The following NOTCH2NLA variants were observed in gnomAD, a reference collection of about 807,000 sequenced individuals.
NOTCH2NLA encodes the protein notch homolog 2 N-terminal-like protein A.
intron 3 of NOTCH2NLA, among the ~76,000 whole-genome samples, chr1:146,159,395 GAA>G (rs1203306236): frequency 5.9e-5 from 5 of 84,072 alleles, no homozygotes; most frequent in East Asian, 5.8e-4. Flanking sequence ...GAAAGAGAGA[GAA>G]AGAAAGAAAG....
intron 2 of NOTCH2NLA, among the ~76,000 whole-genome samples, chr1:146,182,730 C>T (rs368856926): frequency 3.0e-4 from 40 of 133,952 alleles, no homozygotes; most frequent in African/African-American, 8.4e-4. Context: ...CTTGTAGTCC[C>T]GGCTACTTGA....
downstream of NOTCH2NLA, chr1:146,154,036 C>T (rs1166410802): frequency 4.3e-5 from 5 of 116,314 alleles, no homozygotes; most frequent in Admixed American, 2.5e-4. Context: ...CACACACACA[C>T]ACACACACAC....
intron 2 of NOTCH2NLA, among the ~76,000 whole-genome samples, chr1:146,187,041 CT>C (rs2102326613): frequency 7.8e-6 from 1 of 128,446 alleles, no homozygotes; most frequent in East Asian, 2.1e-4. Flanking sequence ...CCCCCACCCC[CT>C]GACAGGCTCC....
intron 2 of NOTCH2NLA, among the ~76,000 whole-genome samples, chr1:146,170,551 C>G (rs1553806818): frequency 7.2e-6 from 1 of 139,814 alleles, no homozygotes; most frequent in African/African-American, 2.6e-5. Context: ...ACAGTGACTA[C>G]TAAGCAGTAG....
chr1:146,187,074 T>C (rs1662810009), intron 2 of NOTCH2NLA, among the ~76,000 whole-genome samples: 1 of 125,660 alleles, frequency 8.0e-6, no homozygotes. Flanking sequence ...TTCCCCTCCC[T>C]GTGTCCATGT....
chr1:146,200,737 G>A (rs1663383393), intron 1 of NOTCH2NLA, among the ~76,000 whole-genome samples: 2 of 126,286 alleles, frequency 1.6e-5, no homozygotes, highest in South Asian at 4.9e-4. Flanking sequence ...TCAGATTTCT[G>A]CAGAGTTGTA....
intron 3 of NOTCH2NLA, among the ~76,000 whole-genome samples, chr1:146,159,447 G>GAAAGAA (rs1437002440): frequency 6.6e-4 from 90 of 135,758 alleles, no homozygotes; most frequent in Non-Finnish European, 9.4e-4. Context: ...AAGAAAGAAA[G>GAAAGAA]AGAAAGAAAG....
intron 2 of NOTCH2NLA, among the ~76,000 whole-genome samples, chr1:146,171,323 C>T (rs1553807024): frequency 7.3e-6 from 1 of 137,320 alleles, no homozygotes; most frequent in Non-Finnish European, 1.7e-5. Context: ...CCCAGCTACT[C>T]AGGAGGCTGA....
At chr1:146,228,182 A>C (rs1664294492) in intron 1 of NOTCH2NLA, among the ~76,000 whole-genome samples, 1 of 144,238 alleles carries the variant, frequency 6.9e-6, no homozygotes, top group Admixed American at 6.8e-5. Context: ...ATCCAAACCA[A>C]GCCCACACAC....
At chr1:146,186,941 A>G (rs150779865) in intron 2 of NOTCH2NLA, among the ~76,000 whole-genome samples, 8,477 of 134,010 alleles carry the variant, frequency 0.063, 1,721 homozygotes, top group East Asian at 0.2. Flanking sequence ...TACATGTGCC[A>G]TGGTGGTTTG....
At chr1:146,160,172 C>T (rs1661437067) in intron 3 of NOTCH2NLA, among the ~76,000 whole-genome samples, 1 of 9,660 alleles carries the variant, frequency 1.0e-4, no homozygotes, top group Non-Finnish European at 3.3e-4. Context: ...TACTTTGCCT[C>T]CTAATAGCAA....
intron 2 of NOTCH2NLA, among the ~76,000 whole-genome samples, chr1:146,170,900 CT>C (rs1460161474): frequency 3.7e-5 from 5 of 136,980 alleles, no homozygotes; most frequent in Non-Finnish European, 6.7e-5. Flanking sequence ...GCTTCTTCAC[CT>C]TTTTAGTGGT....
downstream of NOTCH2NLA, chr1:146,154,032 CACACA>C (rs1661022488): frequency 8.5e-6 from 1 of 117,954 alleles, no homozygotes; most frequent in African/African-American, 3.3e-5. Flanking sequence ...CACACACACA[CACACA>C]CACACACACA....
Position 146,185,248 on chromosome 1 carries a change from T to C in NOTCH2NLA, c.38+4052A>G, listed in dbSNP as rs1460697971. ...CCTAGTGAACTTGAGTTGTCCATGA[T>C]CTTTAATCAAATTGGGATTTAGAAT... On this transcript the variant is annotated intron_variant, in intron 2 of 4. Transcript: ENST00000362074. Among the ~76,000 whole-genome samples the C allele has an allele frequency of 2.5e-4, 34 of 135,638 alleles. 5 individuals are homozygous for C. Among genetic ancestry groups the C allele is most frequent in the Non-Finnish European group, 1.7e-5 (1 of 58,506 alleles). The allele number at this position is 135,638 out of a possible 152,430, so 89.0% of individuals were successfully genotyped here. A position where few individuals can be genotyped will look rare whatever the true frequency, so the allele number is the denominator to read the frequency against.
rs1253230542 is a variant in NOTCH2NLA, at chr1:146,228,857, G to C, written c.-193C>G. 7 of 1,486,390 alleles carry C rather than the reference G, an allele frequency of 4.7e-6. 1 individual carries two copies. Among genetic ancestry groups the C allele is most frequent in the Admixed American group, 5.2e-5 (2 of 38,436 alleles). The allele number at this position is 1,486,390 out of a possible 1,614,324, so 92.1% of individuals were successfully genotyped here. On this transcript the variant is annotated 5_prime_UTR_variant, in exon 1 of 5. Coordinates refer to ENST00000362074, the Ensembl canonical transcript of NOTCH2NLA. The stretch of plus-strand genomic sequence containing the variant: ...CACATGGGGAGGGGGTCCCGATAGA[G>C]GAGCCCCACTCTCTCCTCCCCTCCT...
chr1:146,159,863 G>T (rs200096155), intron 3 of NOTCH2NLA, among the ~76,000 whole-genome samples: 16 of 36,892 alleles, frequency 4.3e-4, no homozygotes, highest in Admixed American at 7.5e-4. Context: ...AGCTACTCAG[G>T]AGGCTGAGGC....
intron 2 of NOTCH2NLA, among the ~76,000 whole-genome samples, chr1:146,180,809 TA>T (rs1662513421): frequency 7.8e-6 from 1 of 128,500 alleles, no homozygotes; most frequent in African/African-American, 2.6e-5. Context: ...TAATAAATTT[TA>T]AAGTGCTTGG....
Position 146,171,386 on chromosome 1 carries a change from G to A in NOTCH2NLA, c.39-6376C>T, listed in dbSNP as rs200750675. Reference sequence around the variant, plus strand: ...TTGGAGGTTGCAGTGAGCCAAGATCGCGCCACTGCACTCCAGCCTGGGCAA... The same window carrying A: ...TTGGAGGTTGCAGTGAGCCAAGATCACGCCACTGCACTCCAGCCTGGGCAA... On this transcript the variant is annotated intron_variant, in intron 2 of 4. Coordinates refer to ENST00000362074, the Ensembl canonical transcript of NOTCH2NLA. 4.0e-4 allele frequency among the ~76,000 whole-genome samples: 56 copies of A among 141,126 alleles called. No homozygotes were observed. In the East Asian group the frequency reaches 7.9e-3, roughly 20 times the overall value. The allele number at this position is 141,126 out of a possible 152,430, so 92.6% of individuals were successfully genotyped here.
At chr1:146,173,002 A>C (rs1436218231) in intron 2 of NOTCH2NLA, among the ~76,000 whole-genome samples, 1 of 150,522 alleles carries the variant, frequency 6.6e-6, no homozygotes, top group Non-Finnish European at 1.5e-5. Context: ...GGCCAAATCA[A>C]CCTAATAGTC....
Sources: allele counts gnomAD v4.1 joint callset (sites outside exome capture counted in the v4.1 genomes callset), GRCh38; gene constraint gnomAD v4.1.1; transcripts MANE v1.5; gene names NCBI Gene and HGNC (gene_info 2026-07-23, HGNC 2026-07-21).